OLA1: variants seen among roughly 807,000 people sequenced by gnomAD.
OLA1 encodes obg-like ATPase 1.
A neutral mutation model predicts 48.4 loss-of-function variants in OLA1; 14 were observed. That is an observed-to-expected ratio of 0.29 (90% CI 0.19 to 0.45). The LOEUF is 0.45. Among genes scored for constraint, OLA1 ranks in the 20% least tolerant of loss-of-function variants. The pLI is 1.00. For missense variants in OLA1, 325 were observed against 467.1 expected (o/e 0.70, Z 2.80); for synonymous variants, 127 against 150.4 (o/e 0.84, Z 1.14).
At chr2:174,183,648 G>A (rs1208318341) in intron 4 of OLA1, among the ~76,000 whole-genome samples, 2 of 152,182 alleles carry the variant, frequency 1.3e-5, no homozygotes, top group Non-Finnish European at 2.9e-5. Flanking sequence ...AGCAAACAAC[G>A]ATTTTGATCT....
At chr2:174,144,693 C>T (rs934155173) in intron 4 of OLA1, among the ~76,000 whole-genome samples, 2 of 151,550 alleles carry the variant, frequency 1.3e-5, no homozygotes, top group Admixed American at 6.6e-5. Context: ...TGGCTCACAC[C>T]TGTAATCCTA....
chr2:174,247,471 C>G (rs561188843), intron 1 of OLA1, among the ~76,000 whole-genome samples: 2 of 152,320 alleles, frequency 1.3e-5, no homozygotes, highest in East Asian at 3.9e-4. Context: ...TCACAAAACA[C>G]TTTATATCTT....
chr2:174,211,180 A>AACAC (rs10563036), intron 4 of OLA1, among the ~76,000 whole-genome samples: 30 of 148,664 alleles, frequency 2.0e-4, no homozygotes, highest in Non-Finnish European at 2.2e-4. Flanking sequence ...TCCTCCCCAC[A>AACAC]ACACACACAC....
chr2:174,232,745 C>T (rs563304479), intron 2 of OLA1, among the ~76,000 whole-genome samples: 2 of 152,206 alleles, frequency 1.3e-5, no homozygotes, highest in South Asian at 2.1e-4. Context: ...ATTAGAACTC[C>T]GTGCACTGCT....
Position 174,199,292 on chromosome 2 carries a change from G to A in OLA1, c.373+23741C>T, listed in dbSNP as rs1004355361. 8.5e-5 allele frequency among the ~76,000 whole-genome samples: 13 copies of A among 152,146 alleles called. No homozygotes were observed. The East Asian group carries it at 1.5e-3, about 18-fold the overall frequency. On this transcript the variant is annotated intron_variant, in intron 4 of 10. Transcript: ENST00000284719. ...TATAAAATTCAGGCTCTCAGCCACC[G>A]GGGGAAAGCTCAGGATGGGGCAGAC...
intron 7 of OLA1, among the ~76,000 whole-genome samples, chr2:174,112,789 T>C (rs983954102): frequency 6.6e-6 from 1 of 152,200 alleles, no homozygotes; most frequent in African/African-American, 2.4e-5. Flanking sequence ...CTTCCTGGGC[T>C]CCAGAACCAT....
intron 4 of OLA1, 86 bp from the exon 5 acceptor site, chr2:174,142,086 A>C (rs1574505191): frequency 8.7e-7 from 1 of 1,144,936 alleles, no homozygotes; most frequent in East Asian, 2.5e-5. Flanking sequence ...TAGAAGGTTA[A>C]CAAATAAATA....
intron 4 of OLA1, among the ~76,000 whole-genome samples, chr2:174,178,254 T>C (rs1005361352): frequency 6.6e-6 from 1 of 152,054 alleles, no homozygotes; most frequent in Non-Finnish European, 1.5e-5. Flanking sequence ...TTATTATAGA[T>C]GTTTGATGGC....
chr2:174,165,901 C>T (rs1158574540), intron 4 of OLA1, among the ~76,000 whole-genome samples: 1 of 152,134 alleles, frequency 6.6e-6, no homozygotes, highest in East Asian at 1.9e-4. Context: ...GCAGGCTGAT[C>T]ACTTGAGGTC....
intron 7 of OLA1, among the ~76,000 whole-genome samples, chr2:174,093,681 CAT>C (rs1685179242): frequency 6.6e-6 from 1 of 152,162 alleles, no homozygotes; most frequent in Admixed American, 6.5e-5. Flanking sequence ...CACATGGAAA[CAT>C]TCTGTAATTA....
chr2:174,206,313 G>T (rs1278454715), intron 4 of OLA1, among the ~76,000 whole-genome samples: 1 of 152,126 alleles, frequency 6.6e-6, no homozygotes, highest in Non-Finnish European at 1.5e-5. Flanking sequence ...CAGGAAGATT[G>T]TTAGTGCCCA....
At chr2:174,185,744 A>G (rs1687643697) in intron 4 of OLA1, among the ~76,000 whole-genome samples, 2 of 152,158 alleles carry the variant, frequency 1.3e-5, no homozygotes, top group Non-Finnish European at 2.9e-5. Flanking sequence ...CCTGGCCAAC[A>G]TGGCAAAACC....
chr2:174,090,526 G>A (rs1313763748), intron 7 of OLA1, among the ~76,000 whole-genome samples: 2 of 152,206 alleles, frequency 1.3e-5, no homozygotes, highest in Non-Finnish European at 2.9e-5. Flanking sequence ...AGCCAATGGA[G>A]TTTGTGGGAA....
chr2:174,197,538 G>C (rs1192153274), intron 4 of OLA1, among the ~76,000 whole-genome samples: 1 of 152,056 alleles, frequency 6.6e-6, no homozygotes, highest in Non-Finnish European at 1.5e-5. Flanking sequence ...GAAGCCCAGG[G>C]GGGAAAATTT....
At chr2:174,082,925 G>T (rs984018982) in intron 7 of OLA1, among the ~76,000 whole-genome samples, 1 of 151,996 alleles carries the variant, frequency 6.6e-6, no homozygotes. Context: ...TACTGGGCAG[G>T]TTACTGAACG....
At chr2:174,165,848 G>T (rs146167648) in intron 4 of OLA1, among the ~76,000 whole-genome samples, 4 of 152,132 alleles carry the variant, frequency 2.6e-5, no homozygotes, top group African/African-American at 9.7e-5. Flanking sequence ...CAGGCTGGGC[G>T]CAGTGGCTCA....
intron 2 of OLA1, among the ~76,000 whole-genome samples, chr2:174,238,788 T>A (rs1011252693): frequency 6.6e-6 from 1 of 151,982 alleles, no homozygotes; most frequent in Non-Finnish European, 1.5e-5. Context: ...GCAGACAGAG[T>A]ACAAATAACA....
At chr2:174,126,613 C>G (rs1686049971) in intron 5 of OLA1, among the ~76,000 whole-genome samples, 1 of 152,146 alleles carries the variant, frequency 6.6e-6, no homozygotes, top group African/African-American at 2.4e-5. Flanking sequence ...AGCCACTTAC[C>G]AGGTCTGTGA....
At chr2:174,244,516 C>T (rs946635411) in intron 2 of OLA1, among the ~76,000 whole-genome samples, 1 of 151,996 alleles carries the variant, frequency 6.6e-6, no homozygotes. Context: ...CAGATTGAGT[C>T]CCTTATATAC....
Sources: allele counts gnomAD v4.1 joint callset (sites outside exome capture counted in the v4.1 genomes callset), GRCh38; gene constraint gnomAD v4.1.1; transcripts MANE v1.5; gene names NCBI Gene and HGNC (gene_info 2026-07-23, HGNC 2026-07-21).